The following THTPA variants were observed in gnomAD, a reference collection of about 807,000 sequenced individuals.
The protein encoded by THTPA is thiamine triphosphatase.
THTPA carries 16 observed loss-of-function variants against 16.5 expected under a neutral mutation model. The observed-to-expected ratio is 0.97, with a 90% CI of 0.66 to 1.47. The LOEUF (loss-of-function observed/expected upper bound fraction) is 1.47. Among genes scored for constraint, THTPA ranks in the 40% most tolerant of loss-of-function variants. The pLI is 0.00. For missense variants in THTPA, 281 were observed against 280.9 expected, an observed-to-expected ratio of 1.00 and a Z score of 0.00; for synonymous variants, 110 against 115.5, an observed-to-expected ratio of 0.95 and a Z score of 0.30.
At chr14:23,534,862 A>C in the THTPA span, 10 of 1,536,152 alleles carry the variant, frequency 6.5e-6, no homozygotes, top group Non-Finnish European at 8.7e-6. This position sits in a 1 kb window ranked among gnomAD's most constrained non-coding sequence, Gnocchi z 4.5. Context: ...AAGGAAGGGC[A>C]GACTGGGCTC....
the THTPA span, among the ~76,000 whole-genome samples, chr14:23,515,122 G>C: frequency 6.6e-6 from 1 of 152,206 alleles, no homozygotes; most frequent in East Asian, 1.9e-4. Context: ...GCAAAAGGAG[G>C]TGGAGAGAGG....
the THTPA span, among the ~76,000 whole-genome samples, chr14:23,536,865 C>A: frequency 6.6e-6 from 1 of 152,180 alleles, no homozygotes; most frequent in South Asian, 2.1e-4. Flanking sequence ...AGTCTGGGCA[C>A]GGTGGCTCAC....
the THTPA span, chr14:23,531,037 G>C: frequency 6.4e-6 from 1 of 156,926 alleles, no homozygotes; most frequent in Non-Finnish European, 1.4e-5. Flanking sequence ...ACAGGAAGAG[G>C]CTGGGAAGCT....
the THTPA span, chr14:23,525,082 G>A: frequency 3.9e-6 from 6 of 1,536,136 alleles, no homozygotes; most frequent in Admixed American, 2.0e-5. This position sits in a 1 kb window ranked among gnomAD's most constrained non-coding sequence, Gnocchi z 5.9. Flanking sequence ...CTCCGTCTTT[G>A]GGGTAGGCGC....
the THTPA span, among the ~76,000 whole-genome samples, chr14:23,541,635 C>T: frequency 6.6e-6 from 1 of 152,178 alleles, no homozygotes; most frequent in Non-Finnish European, 1.5e-5. Flanking sequence ...TCTTAGCCCT[C>T]TTGATTGCTG....
At chr14:23,528,150 CT>C in the THTPA span, among the ~76,000 whole-genome samples, 1 of 152,166 alleles carries the variant, frequency 6.6e-6, no homozygotes, top group Non-Finnish European at 1.5e-5. Context: ...GCCAGGTGAT[CT>C]ACTCATCTTG....
the THTPA span, chr14:23,534,207 A>G: frequency 2.7e-6 from 4 of 1,495,394 alleles, no homozygotes; most frequent in Non-Finnish European, 3.6e-6. The surrounding 1 kb of genome is among the most constrained non-coding windows in gnomAD (Gnocchi z 4.5). Flanking sequence ...CAGGGAACCA[A>G]TCTGGCCCTG....
At chr14:23,520,841 A>G in the THTPA span, 1 of 151,556 alleles carries the variant, frequency 6.6e-6, no homozygotes, top group South Asian at 2.1e-4. This position sits in a 1 kb window ranked among gnomAD's most constrained non-coding sequence, Gnocchi z 8.7. Flanking sequence ...CACAAATAGG[A>G]AAAAAAACAC....
At chr14:23,524,512 C>G in the THTPA span, 1 of 1,526,138 alleles carries the variant, frequency 6.6e-7, no homozygotes, top group Non-Finnish European at 8.8e-7. This position sits in a 1 kb window ranked among gnomAD's most constrained non-coding sequence, Gnocchi z 5.6. Flanking sequence ...CCCCAAACAC[C>G]AGCAAGGGCA....
the THTPA span, chr14:23,529,632 G>A: frequency 1.3e-5 from 18 of 1,337,562 alleles, no homozygotes; most frequent in Admixed American, 2.0e-5. Context: ...ACAAAATTAC[G>A]TCTGCCTTTA....
At chr14:23,532,580 C>T in the THTPA span, 2 of 1,442,000 alleles carry the variant, frequency 1.4e-6, no homozygotes, top group Non-Finnish European at 1.8e-6. Context: ...ATAGATTTGG[C>T]TGTTTTCTTC....
the THTPA span, chr14:23,534,436 G>A: frequency 2.0e-6 from 3 of 1,536,646 alleles, no homozygotes; most frequent in Non-Finnish European, 2.6e-6. The surrounding 1 kb of genome is among the most constrained non-coding windows in gnomAD (Gnocchi z 4.5). Flanking sequence ...GGGGCGAGCA[G>A]GGAGTTTTGG....
At chr14:23,517,861 G>A in the THTPA span, among the ~76,000 whole-genome samples, 2 of 152,108 alleles carry the variant, frequency 1.3e-5, no homozygotes, top group Non-Finnish European at 2.9e-5. Context: ...TGGCAGGTGA[G>A]TTGTTACACA....
At chr14:23,551,882 A>AGGGCCGGGGGC (rs1881990098), upstream of THTPA, among the ~76,000 whole-genome samples, 1 of 152,144 alleles carries the variant, frequency 6.6e-6, no homozygotes, top group East Asian at 1.9e-4. The surrounding 1 kb of genome is among the most constrained non-coding windows in gnomAD (Gnocchi z 5.3). Context: ...CGCGGGACCC[A>AGGGCCGGGGGC]GGGCCGGGGG....
Position 23,559,626 on chromosome 14 carries a change from C to T in THTPA, c.*786C>T. On this transcript the variant is annotated 3_prime_UTR_variant, in exon 2 of 2. Transcript: ENST00000288014. The stretch of plus-strand genomic sequence containing the variant: ...TATTTGTGGGAGAAGGGGGCTGGTC[C>T]CCAGTTTTTGCAGTGCAAAGCCAGA... The T allele has an allele frequency of 1.3e-6, 1 of 798,626 alleles. No homozygotes were observed. Among genetic ancestry groups the T allele is most frequent in the Non-Finnish European group, 2.1e-6 (1 of 479,582 alleles). 49.5% of individuals were successfully genotyped at this position (798,626 alleles called of 1,614,324 possible).
chr14:23,529,858 T>C, the THTPA span: 3 of 1,330,900 alleles, frequency 2.3e-6, no homozygotes, highest in South Asian at 2.5e-5. Flanking sequence ...AGTTGGGCAC[T>C]AGAGAAAGGG....
chr14:23,519,780 T>C, the THTPA span, among the ~76,000 whole-genome samples: 1 of 152,298 alleles, frequency 6.6e-6, no homozygotes, highest in African/African-American at 2.4e-5. Context: ...TGCTTCAGTA[T>C]TAACATGTTC....
At chr14:23,538,534 A>C in the THTPA span, among the ~76,000 whole-genome samples, 1 of 152,136 alleles carries the variant, frequency 6.6e-6, no homozygotes, top group South Asian at 2.1e-4. Flanking sequence ...GACAGGCCTA[A>C]GAGTCATCCC....
At chr14:23,529,971 G>A in the THTPA span, 31 of 977,000 alleles carry the variant, frequency 3.2e-5, no homozygotes, top group African/African-American at 3.3e-4. Flanking sequence ...CTAGCCTCTC[G>A]TGGCTCAGCC....
Sources: gnomAD v4.1 joint callset for allele counts (sites outside exome capture counted in the v4.1 genomes callset) on GRCh38, gnomAD v4.1.1 for gene constraint, Gnocchi (gnomAD v3.1) non-coding constraint, MANE v1.5 for transcripts, NCBI Gene and HGNC (gene_info 2026-07-23, HGNC 2026-07-21) for gene names.